IQCM: variants seen among roughly 807,000 people sequenced by gnomAD.
IQCM encodes the protein IQ domain-containing protein M.
In IQCM, 45 loss-of-function variants were observed where a neutral mutation model predicts 57.6. The ratio of observed to expected loss-of-function variants is 0.78; its 90% CI spans 0.62 to 1.00. IQCM has a LOEUF of 1.00. Among genes scored for constraint, IQCM ranks in the 50% least tolerant of loss-of-function variants. The pLI is 0.00. For missense variants in IQCM, 468 were observed against 511.6 expected (o/e 0.91, Z 0.82); for synonymous variants, 148 against 158.9 (o/e 0.93, Z 0.51).
intron 12 of IQCM, among the ~76,000 whole-genome samples, chr4:149,546,921 C>G (rs1748500246): frequency 1.3e-5 from 2 of 152,132 alleles, no homozygotes; most frequent in Non-Finnish European, 1.5e-5. Context: ...ATGGTATTGC[C>G]TAGGTTTTCT....
At chr4:149,629,713 T>C (rs1020879194) in intron 7 of IQCM, among the ~76,000 whole-genome samples, 5 of 152,124 alleles carry the variant, frequency 3.3e-5, no homozygotes, top group Middle Eastern at 3.2e-3. Context: ...TAAGTCTATA[T>C]AATTTTAGGT....
chr4:149,454,454 G>C (rs1327358641), intron 12 of IQCM, among the ~76,000 whole-genome samples: 1 of 151,582 alleles, frequency 6.6e-6, no homozygotes, highest in Non-Finnish European at 1.5e-5. Flanking sequence ...ACAGACACCA[G>C]GTCCTACTTT....
chr4:149,526,159 TCCA>T (rs1238190274), intron 12 of IQCM, among the ~76,000 whole-genome samples: 14 of 152,040 alleles, frequency 9.2e-5, no homozygotes, highest in Non-Finnish European at 1.5e-5. Context: ...TACACTTTTA[TCCA>T]ACAATTTTAC....
chr4:149,637,196 T>C (rs1319904788), intron 7 of IQCM, among the ~76,000 whole-genome samples: 2 of 148,356 alleles, frequency 1.3e-5, no homozygotes, highest in South Asian at 2.1e-4. Flanking sequence ...AATTTAGCAA[T>C]GTTACAGTAT....
rs143856568 is a variant in IQCM at position 149,575,899 on chromosome 4, T to C, written c.750-12009A>G. On this transcript the variant is annotated intron_variant, in intron 9 of 13. Coordinates refer to ENST00000636793, the MANE Select transcript of IQCM (RefSeq NM_001363507.2). ...CATGTCTAAGGAAAGAGGGGTCTTA[T>C]TGTTATTACAGCTACTGCTGCTGCT... Among the ~76,000 whole-genome samples the C allele has an allele frequency of 1.2e-3, 186 of 151,910 alleles. 2 individuals carry two copies. In the Middle Eastern group the frequency reaches 0.014, roughly 11 times the overall value.
At chr4:149,532,488 C>T (rs944062071) in intron 12 of IQCM, among the ~76,000 whole-genome samples, 7 of 149,448 alleles carry the variant, frequency 4.7e-5, no homozygotes, top group Admixed American at 6.7e-5. Context: ...GAGGAGCATG[C>T]TTTTTCTGAA....
chr4:149,531,346 G>C (rs1746728059), intron 12 of IQCM, among the ~76,000 whole-genome samples: 1 of 152,044 alleles, frequency 6.6e-6, no homozygotes, highest in African/African-American at 2.4e-5. Context: ...ATAAACATTT[G>C]AGAAGATATT....
At chr4:149,694,695 G>C (rs17625267) in intron 5 of IQCM, among the ~76,000 whole-genome samples, 31,691 of 152,104 alleles carry the variant, frequency 0.21, 4,129 homozygotes, top group Non-Finnish European at 0.28. Context: ...AGAAAAGGGA[G>C]TGTGTTCCTC....
chr4:149,756,280 T>C (rs1023848290), intron 2 of IQCM, among the ~76,000 whole-genome samples: 5 of 151,982 alleles, frequency 3.3e-5, no homozygotes, highest in East Asian at 3.9e-4. Flanking sequence ...AATTCTCACA[T>C]AGAAAAAAGA....
chr4:149,483,899 C>T (rs1274022123), intron 12 of IQCM, among the ~76,000 whole-genome samples: 2 of 151,800 alleles, frequency 1.3e-5, no homozygotes, highest in South Asian at 2.1e-4. Flanking sequence ...TGTATTGGAG[C>T]CTATCTCTCT....
At chr4:149,701,967 C>A (rs1422526969) in intron 5 of IQCM, among the ~76,000 whole-genome samples, 1 of 151,924 alleles carries the variant, frequency 6.6e-6, no homozygotes, top group Non-Finnish European at 1.5e-5. Context: ...TTTCTAGCCT[C>A]ACAACTTGTC....
chr4:149,352,114 G>T, intron 13 of IQCM, 48 bp from the exon 14 acceptor site: 1 of 398,612 alleles, frequency 2.5e-6, no homozygotes, highest in South Asian at 1.3e-4. Flanking sequence ...CAATTAATAT[G>T]ATAGTAATGT....
At chr4:149,632,815 T>C (rs971327737) in intron 7 of IQCM, among the ~76,000 whole-genome samples, 2 of 152,182 alleles carry the variant, frequency 1.3e-5, no homozygotes, top group South Asian at 2.1e-4. Context: ...TCTGTGTTAG[T>C]ACTAAGAGGC....
chr4:149,493,089 G>A (rs1742271046), intron 12 of IQCM, among the ~76,000 whole-genome samples: 1 of 152,060 alleles, frequency 6.6e-6, no homozygotes, highest in South Asian at 2.1e-4. Context: ...CCACTCCTGG[G>A]GAAGTTGGTT....
At chr4:149,812,678 G>A (rs1321784330) in intron 2 of IQCM, among the ~76,000 whole-genome samples, 5 of 152,084 alleles carry the variant, frequency 3.3e-5, no homozygotes. Context: ...GGTTTGACGT[G>A]ATTAGGACTA....
intron 7 of IQCM, among the ~76,000 whole-genome samples, chr4:149,661,381 G>T (rs977001643): frequency 6.6e-6 from 1 of 152,058 alleles, no homozygotes; most frequent in African/African-American, 2.4e-5. Context: ...GAGAATGTTT[G>T]CATCTATGTT....
chr4:149,652,791 A>T (rs1200485278), intron 7 of IQCM, among the ~76,000 whole-genome samples: 1 of 152,136 alleles, frequency 6.6e-6, no homozygotes, highest in African/African-American at 2.4e-5. Flanking sequence ...AAGGAAACAA[A>T]ATAATAGAAA....
chr4:149,358,844 C>CAGTATAGCATGATATACTCTCATG (rs1729209382), intron 13 of IQCM, among the ~76,000 whole-genome samples: 2 of 108,026 alleles, frequency 1.9e-5, no homozygotes, highest in Non-Finnish European at 4.0e-5. Flanking sequence ...GCACAGTGGA[C>CAGTATAGCATGATATACTCTCATG]AGTATATCAT....
intron 10 of IQCM, among the ~76,000 whole-genome samples, chr4:149,555,887 A>G (rs1024266918): frequency 3.3e-5 from 5 of 152,134 alleles, no homozygotes; most frequent in Non-Finnish European, 5.9e-5. Context: ...AACACAACCT[A>G]TCTTCTAAGG....
Sources: allele counts gnomAD v4.1 joint callset (sites outside exome capture counted in the v4.1 genomes callset), GRCh38; gene constraint gnomAD v4.1.1; transcripts MANE v1.5; gene names NCBI Gene and HGNC (gene_info 2026-07-23, HGNC 2026-07-21).